The following EFCAB6 variants were observed in gnomAD, a reference collection of about 807,000 sequenced individuals.
EFCAB6 encodes the protein EF-hand calcium-binding domain-containing protein 6.
EFCAB6 carries 156 observed loss-of-function variants against 169.8 expected under a neutral mutation model. The observed-to-expected ratio is 0.92, with a 90% CI of 0.81 to 1.05. EFCAB6 has a LOEUF of 1.05. Ranked by LOEUF, EFCAB6 falls within the 50% of genes least tolerant of loss-of-function variation. EFCAB6 has a pLI of 0.00. For missense variants in EFCAB6, 1,800 were observed against 1,829.1 expected, an observed-to-expected ratio of 0.98 and a Z score of 0.29; for synonymous variants, 698 against 676.4, an observed-to-expected ratio of 1.03 and a Z score of -0.50.
At chr22:43,658,561 C>A (rs569537816) in intron 17 of EFCAB6, among the ~76,000 whole-genome samples, 1 of 152,262 alleles carries the variant, frequency 6.6e-6, no homozygotes, top group African/African-American at 2.4e-5. Flanking sequence ...GGGATCGAAG[C>A]CCAGGGAGAA....
At chr22:43,757,320 G>T (rs1022470686) in intron 5 of EFCAB6, among the ~76,000 whole-genome samples, 4 of 152,204 alleles carry the variant, frequency 2.6e-5, no homozygotes, top group African/African-American at 9.6e-5. Flanking sequence ...GACTGAGGCG[G>T]GAGGATCACC....
At chr22:43,543,929 C>T (rs1369082479) in intron 27 of EFCAB6, among the ~76,000 whole-genome samples, 2 of 152,126 alleles carry the variant, frequency 1.3e-5, no homozygotes, top group Non-Finnish European at 2.9e-5. Flanking sequence ...CTCTCTCCAA[C>T]CTTCACCTCT....
At chr22:43,680,442 C>A (rs2057958565) in intron 12 of EFCAB6, among the ~76,000 whole-genome samples, 1 of 151,368 alleles carries the variant, frequency 6.6e-6, no homozygotes, top group African/African-American at 2.4e-5. Context: ...CTTTGTATTT[C>A]CATATGAATT....
intron 22 of EFCAB6, among the ~76,000 whole-genome samples, chr22:43,603,966 G>A (rs1352054023): frequency 6.6e-6 from 1 of 152,152 alleles, no homozygotes; most frequent in Non-Finnish European, 1.5e-5. Context: ...TGCTGTTCTC[G>A]TGATATTGAG....
chr22:43,802,088 A>T (rs1490666861), intron 2 of EFCAB6, among the ~76,000 whole-genome samples: 3 of 152,192 alleles, frequency 2.0e-5, no homozygotes, highest in Non-Finnish European at 4.4e-5. Flanking sequence ...GATAAAATAG[A>T]CTACAAATCA....
chr22:43,812,195 A>T lies in EFCAB6; in HGVS notation c.-172T>A, dbSNP rs1603400618. ...GGAACCCCTCCTCGATTCTCCGCCTAGCTGGGCCGGCACCCGCGTGCGCGG... is the reference window on the plus strand; with the variant it reads ...GGAACCCCTCCTCGATTCTCCGCCTTGCTGGGCCGGCACCCGCGTGCGCGG... On this transcript the variant is annotated 5_prime_UTR_variant, in exon 1 of 32. It removes the in-frame stop codon of an upstream open reading frame in the 5' UTR. Coordinates refer to ENST00000262726, the MANE Select transcript of EFCAB6 (RefSeq NM_022785.4). 1 of 152,266 alleles carries T rather than the reference A, an allele frequency of 6.6e-6. No individual in the cohort carries two copies. The highest frequency in any genetic ancestry group is 1.5e-5 in the Non-Finnish European group (1 of 68,034). The allele number at this position is 152,266 out of a possible 1,614,324, so 9.4% of individuals were successfully genotyped here.
At chr22:43,601,964 T>C (rs1478884959) in intron 22 of EFCAB6, among the ~76,000 whole-genome samples, 2 of 152,218 alleles carry the variant, frequency 1.3e-5, no homozygotes, top group Non-Finnish European at 2.9e-5. Flanking sequence ...ATTCTCCACA[T>C]GGACTCCACC....
chr22:43,666,548 G>A (rs1180579192), intron 17 of EFCAB6, among the ~76,000 whole-genome samples: 1 of 152,128 alleles, frequency 6.6e-6, no homozygotes, highest in East Asian at 1.9e-4. Flanking sequence ...ATCGTAATAC[G>A]AATTTTAAGC....
chr22:43,550,656 A>G (rs567663904), intron 27 of EFCAB6, among the ~76,000 whole-genome samples: 3 of 150,632 alleles, frequency 2.0e-5, no homozygotes, highest in South Asian at 2.1e-4. Flanking sequence ...TGCATGACAC[A>G]GTGAGACTCT....
At chr22:43,641,829 GT>G (rs1204627400) in intron 17 of EFCAB6, among the ~76,000 whole-genome samples, 2 of 152,140 alleles carry the variant, frequency 1.3e-5, no homozygotes, top group Non-Finnish European at 2.9e-5. Context: ...ACTTAGCAAA[GT>G]TCTCTTCTGA....
intron 6 of EFCAB6, among the ~76,000 whole-genome samples, chr22:43,742,877 C>A (rs2060424186): frequency 6.6e-6 from 1 of 152,222 alleles, no homozygotes; most frequent in Admixed American, 6.5e-5. Context: ...CTGCTTGGAC[C>A]TCGGCATGAT....
intron 6 of EFCAB6, among the ~76,000 whole-genome samples, chr22:43,746,573 G>A (rs532909821): frequency 2.6e-5 from 4 of 152,176 alleles, no homozygotes; most frequent in South Asian, 2.1e-4. Context: ...TTGAGCTTAC[G>A]ATACAGCTAT....
intron 2 of EFCAB6, among the ~76,000 whole-genome samples, chr22:43,789,341 G>A (rs963251599): frequency 7.2e-5 from 11 of 152,234 alleles, no homozygotes; most frequent in Admixed American, 1.3e-4. Flanking sequence ...GGGGAAGACA[G>A]AGATGCAGCA....
chr22:43,637,204 T>C (rs2055472260), intron 17 of EFCAB6, among the ~76,000 whole-genome samples: 1 of 152,232 alleles, frequency 6.6e-6, no homozygotes, highest in African/African-American at 2.4e-5. Flanking sequence ...CGGTTTCTCC[T>C]GCCTCCAGGT....
intron 10 of EFCAB6, among the ~76,000 whole-genome samples, chr22:43,704,557 C>T (rs746499671): frequency 6.6e-6 from 1 of 152,064 alleles, no homozygotes; most frequent in African/African-American, 2.4e-5. Flanking sequence ...CTATTAATAA[C>T]AACTATAATT....
intron 27 of EFCAB6, among the ~76,000 whole-genome samples, chr22:43,545,786 G>A (rs1602170962): frequency 6.6e-6 from 1 of 152,244 alleles, no homozygotes; most frequent in South Asian, 2.1e-4. Flanking sequence ...CCCCAAGGTG[G>A]AGGAACCGAA....
chr22:43,760,203 CA>C (rs371022953), intron 5 of EFCAB6, among the ~76,000 whole-genome samples: 12 of 104,622 alleles, frequency 1.1e-4, no homozygotes, highest in Admixed American at 2.4e-4. Flanking sequence ...GACTCTGTCT[CA>C]AAAAAAAAAA....
intron 13 of EFCAB6, among the ~76,000 whole-genome samples, chr22:43,675,455 T>TAATATATA (rs1238438385): frequency 3.0e-5 from 3 of 100,114 alleles, no homozygotes; most frequent in East Asian, 3.7e-4. Flanking sequence ...TAGTATAATA[T>TAATATATA]ATGATATAAT....
chr22:43,696,071 C>T (rs1321058872), intron 10 of EFCAB6, among the ~76,000 whole-genome samples: 1 of 151,944 alleles, frequency 6.6e-6, no homozygotes, highest in Non-Finnish European at 1.5e-5. Flanking sequence ...TGATAAAATG[C>T]TTATACTCAG....
Sources: gnomAD v4.1 joint callset for allele counts (sites outside exome capture counted in the v4.1 genomes callset) on GRCh38, gnomAD v4.1.1 for gene constraint, MANE v1.5 for transcripts, NCBI Gene and HGNC (gene_info 2026-07-23, HGNC 2026-07-21) for gene names.